XYLT1: variants seen among roughly 807,000 people sequenced by gnomAD.
XYLT1 encodes the protein beta-D-xylosyltransferase 1.
In XYLT1, 36 loss-of-function variants were observed where a neutral mutation model predicts 91.3. The observed-to-expected ratio is 0.39, with a 90% CI of 0.30 to 0.52. The LOEUF is 0.52. XYLT1 is among the 20% of genes least tolerant of loss of function. The pLI is 0.68. For synonymous variants in XYLT1, 588 were observed against 532.0 expected (o/e 1.11, Z -1.45); for missense variants, 1,242 against 1,284.5 (o/e 0.97, Z 0.51).
chr16:17,239,588 A>AATCC (rs779859920), intron 3 of XYLT1, among the ~76,000 whole-genome samples: 1 of 93,930 alleles, frequency 1.1e-5, no homozygotes. Context: ...CCACTCACCT[A>AATCC]GTCCGTCCAT....
chr16:17,380,000 T>C (rs985394074), intron 1 of XYLT1, among the ~76,000 whole-genome samples: 1 of 152,064 alleles, frequency 6.6e-6, no homozygotes, highest in African/African-American at 2.4e-5. Flanking sequence ...TAAGAGGTGG[T>C]TGGAGGGCTG....
At chr16:17,232,973 T>G (rs866813468) in intron 3 of XYLT1, among the ~76,000 whole-genome samples, 1 of 152,174 alleles carries the variant, frequency 6.6e-6, no homozygotes, top group Non-Finnish European at 1.5e-5. Flanking sequence ...TGTGTCATAT[T>G]TTTTTAATGC....
chr16:17,464,929 G>A (rs1028667403), intron 1 of XYLT1, among the ~76,000 whole-genome samples: 46 of 151,792 alleles, frequency 3.0e-4, no homozygotes, highest in African/African-American at 1.0e-3. Context: ...GGCGGATCAC[G>A]AGGCCAGGAG....
chr16:17,390,157 A>G (rs547282835), intron 1 of XYLT1, among the ~76,000 whole-genome samples: 2 of 152,308 alleles, frequency 1.3e-5, no homozygotes, highest in Admixed American at 1.3e-4. Flanking sequence ...CATCATTTCC[A>G]TTAGCAGAAA....
chr16:17,462,992 G>A (rs921380654), intron 1 of XYLT1, among the ~76,000 whole-genome samples: 2 of 152,226 alleles, frequency 1.3e-5, no homozygotes, highest in South Asian at 4.1e-4. Context: ...TCGATAAGTA[G>A]TGCTGGAAAA....
intron 5 of XYLT1, among the ~76,000 whole-genome samples, chr16:17,163,946 G>A (rs2031611661): frequency 6.9e-6 from 1 of 145,276 alleles, no homozygotes; most frequent in Non-Finnish European, 1.5e-5. Flanking sequence ...GCTGAGGCAG[G>A]AGAATCGCTT....
chr16:17,441,810 T>G (rs1450751480), intron 1 of XYLT1, among the ~76,000 whole-genome samples: 1 of 152,158 alleles, frequency 6.6e-6, no homozygotes, highest in African/African-American at 2.4e-5. Context: ...AAGATCCAGC[T>G]CTCTACAATA....
chr16:17,240,799 G>A (rs113965716), intron 3 of XYLT1, among the ~76,000 whole-genome samples: 3,382 of 152,286 alleles, frequency 0.022, 52 homozygotes, highest in Non-Finnish European at 0.033. Flanking sequence ...ATTCCATTTA[G>A]GAGAACCTGT....
chr16:17,318,504 G>A (rs928223687), intron 2 of XYLT1, among the ~76,000 whole-genome samples: 14 of 152,302 alleles, frequency 9.2e-5, no homozygotes, highest in African/African-American at 3.4e-4. Flanking sequence ...GAAGGTCCTG[G>A]CTTGGTTCTC....
intron 1 of XYLT1, among the ~76,000 whole-genome samples, chr16:17,411,385 T>C (rs957205855): frequency 6.6e-6 from 1 of 152,202 alleles, no homozygotes; most frequent in African/African-American, 2.4e-5. Context: ...ATTAATTAAT[T>C]ATATCTAAAT....
chr16:17,311,992 T>C (rs1360769705), intron 2 of XYLT1, among the ~76,000 whole-genome samples: 1 of 152,106 alleles, frequency 6.6e-6, no homozygotes, highest in Non-Finnish European at 1.5e-5. Flanking sequence ...GAGGGAATTA[T>C]AGGAGCTACA....
At chr16:17,384,282 T>C (rs553743426) in intron 1 of XYLT1, among the ~76,000 whole-genome samples, 3 of 151,606 alleles carry the variant, frequency 2.0e-5, no homozygotes, top group Non-Finnish European at 2.9e-5. Flanking sequence ...CCCAGGTAAG[T>C]AGGTGGTTTT....
chr16:17,227,550 A>G (rs77383255), intron 3 of XYLT1: 1,560 of 152,426 alleles, frequency 0.01, 10 homozygotes, highest in Non-Finnish European at 0.015. Flanking sequence ...GCCTTGCAGG[A>G]CGCAATGCAG....
chr16:17,440,121 A>C (rs909120813), intron 1 of XYLT1, among the ~76,000 whole-genome samples: 9 of 152,188 alleles, frequency 5.9e-5, no homozygotes, highest in African/African-American at 2.2e-4. Flanking sequence ...GCCAGCAAGG[A>C]AGGAACTGGG....
At chr16:17,360,165 C>G (rs756523033) in intron 1 of XYLT1, among the ~76,000 whole-genome samples, 69 of 152,234 alleles carry the variant, frequency 4.5e-4, no homozygotes, top group South Asian at 8.3e-4. Context: ...AAGCACCAGA[C>G]TGGGGTGTTG....
intron 5 of XYLT1, among the ~76,000 whole-genome samples, chr16:17,183,257 G>GATCT (rs1455111278): frequency 6.6e-6 from 1 of 152,142 alleles, no homozygotes; most frequent in Non-Finnish European, 1.5e-5. Context: ...TTGGCAGTTG[G>GATCT]CTAAACATTA....
chr16:17,355,755 G>T (rs1460709397), intron 2 of XYLT1, among the ~76,000 whole-genome samples: 1 of 152,078 alleles, frequency 6.6e-6, no homozygotes, highest in African/African-American at 2.4e-5. Context: ...TGTCACCCAG[G>T]CTGGAGTGCA....
chr16:17,232,652 G>A (rs943378684), intron 3 of XYLT1, among the ~76,000 whole-genome samples: 5 of 151,786 alleles, frequency 3.3e-5, no homozygotes, highest in Admixed American at 6.6e-5. Flanking sequence ...CAGTGGTGGT[G>A]ATGGGGATAA....
At chr16:17,143,955 C>G (rs968584879) in intron 6 of XYLT1, among the ~76,000 whole-genome samples, 2 of 152,230 alleles carry the variant, frequency 1.3e-5, no homozygotes, top group African/African-American at 4.8e-5. Context: ...CCCATTATCA[C>G]TACCACCATC....
Sources: gnomAD v4.1 joint callset for allele counts (sites outside exome capture counted in the v4.1 genomes callset) on GRCh38, gnomAD v4.1.1 for gene constraint, MANE v1.5 for transcripts, NCBI Gene and HGNC (gene_info 2026-07-23, HGNC 2026-07-21) for gene names.